Variants in PRLR observed in about 807,000 individuals in gnomAD.
PRLR encodes hPRL receptor.
Under a neutral mutation model 40.2 loss-of-function variants are expected in PRLR, and 13 were observed. That is an observed-to-expected ratio of 0.32 (90% confidence interval 0.21 to 0.51). The LOEUF is 0.51. Among genes scored for constraint, PRLR ranks in the 20% least tolerant of loss-of-function variants. The probability of loss-of-function intolerance (pLI) is 0.97; values close to 1 mark genes in which losing one functional copy is unlikely to be tolerated. For missense variants in PRLR, 656 were observed against 747.3 expected, an observed-to-expected ratio of 0.88 and a Z score of 1.42; for synonymous variants, 269 against 278.7, an observed-to-expected ratio of 0.97 and a Z score of 0.35.
chr5:35,198,218 G>A (rs566737592), intron 1 of PRLR, among the ~76,000 whole-genome samples: 20 of 152,332 alleles, frequency 1.3e-4, no homozygotes, highest in Admixed American at 1.2e-3. Context: ...GGAAGATTGA[G>A]AAGGCTTGCC....
chr5:35,197,137 T>G (rs367787298), intron 1 of PRLR, among the ~76,000 whole-genome samples: 2 of 152,192 alleles, frequency 1.3e-5, no homozygotes, highest in African/African-American at 4.8e-5. Context: ...ACTTTTTTAT[T>G]TTATTTTAAT....
intron 1 of PRLR, among the ~76,000 whole-genome samples, chr5:35,171,420 G>C (rs1774993432): frequency 6.6e-6 from 1 of 152,190 alleles, no homozygotes. Context: ...AGAGTGGCCT[G>C]TGTTTTTTTA....
intron 1 of PRLR, chr5:35,130,178 T>A (rs1484943516): frequency 6.6e-6 from 1 of 152,234 alleles, no homozygotes; most frequent in Admixed American, 6.5e-5. Flanking sequence ...TATACAAGGC[T>A]TTTATGACCC....
intron 1 of PRLR, among the ~76,000 whole-genome samples, chr5:35,202,930 C>T (rs1775918660): frequency 6.6e-6 from 1 of 152,142 alleles, no homozygotes; most frequent in African/African-American, 2.4e-5. Flanking sequence ...AGTGCAAATT[C>T]CTTTGTTAAT....
At chr5:35,197,298 A>T (rs1775762930) in intron 1 of PRLR, among the ~76,000 whole-genome samples, 1 of 152,176 alleles carries the variant, frequency 6.6e-6, no homozygotes, top group African/African-American at 2.4e-5. Context: ...TCACAGGCTC[A>T]TTGGGAGTGT....
rs1297425409 is a variant in PRLR at position 35,065,325 on chromosome 5, C to T, written c.1633G>A (p.Glu545Lys). The T allele has an allele frequency of 3.7e-6, 6 of 1,614,170 alleles. No individual in the cohort carries two copies. In the South Asian group the frequency reaches 5.5e-5, roughly 15 times the overall value. The change falls in exon 10 of 10, where the codon GAG becomes AAG. Residue 545 changes from glutamate to lysine, a missense_variant. Around this residue, in one of 3 missense-constraint regions of PRLR, gnomAD observed 469 missense variants for 491.5 expected, o/e 0.95. Coordinates refer to ENST00000618457, the MANE Select transcript of PRLR (RefSeq NM_000949.7). The part of the protein sequence containing the change: ...KKPGTPENNK[E>K]YAKVSGVMDN... ...ATGACCCCGGACACCTTGGCATACT[C>T]CTTATTGTTCTCAGGAGTCCCGGGC...
intron 9 of PRLR, among the ~76,000 whole-genome samples, chr5:35,066,953 CA>C (rs1422716213): frequency 6.6e-6 from 1 of 151,954 alleles, no homozygotes; most frequent in Admixed American, 6.6e-5. Context: ...TTAGTAGAGA[CA>C]GGGTTTCACC....
At chr5:35,098,985 T>C (rs1453137034) in intron 2 of PRLR, among the ~76,000 whole-genome samples, 1 of 152,144 alleles carries the variant, frequency 6.6e-6, no homozygotes, top group East Asian at 1.9e-4. Context: ...CACTGACAAG[T>C]CTAAGAAAAA....
At chr5:35,164,440 G>C (rs989257750) in intron 1 of PRLR, among the ~76,000 whole-genome samples, 1 of 152,136 alleles carries the variant, frequency 6.6e-6, no homozygotes, top group Non-Finnish European at 1.5e-5. Flanking sequence ...GGAGTCAACT[G>C]CTTGAGATTC....
At chr5:35,176,318 C>CT (rs1775146528) in intron 1 of PRLR, among the ~76,000 whole-genome samples, 1 of 152,138 alleles carries the variant, frequency 6.6e-6, no homozygotes, top group Non-Finnish European at 1.5e-5. Context: ...TTTTAACTTT[C>CT]TTTTTTATTT....
intron 4 of PRLR, among the ~76,000 whole-genome samples, 190 bp downstream of exon 4, chr5:35,086,018 T>C (rs1217957174): frequency 6.6e-6 from 1 of 151,992 alleles, no homozygotes. Flanking sequence ...ACCTTATGTA[T>C]ATTGACACAG....
chr5:35,208,177 G>GCA (rs1281536944), intron 1 of PRLR, among the ~76,000 whole-genome samples: 229 of 87,216 alleles, frequency 2.6e-3, no homozygotes, highest in East Asian at 0.011. Flanking sequence ...CCACGCGCGC[G>GCA]CACACACACA....
chr5:35,164,435 C>T (rs1774763844), intron 1 of PRLR, among the ~76,000 whole-genome samples: 1 of 152,050 alleles, frequency 6.6e-6, no homozygotes, highest in Non-Finnish European at 1.5e-5. Flanking sequence ...GCAGAGGAGT[C>T]AACTGCTTGA....
intron 1 of PRLR, among the ~76,000 whole-genome samples, chr5:35,146,535 G>A (rs1774186748): frequency 6.6e-6 from 1 of 152,158 alleles, no homozygotes; most frequent in Non-Finnish European, 1.5e-5. Context: ...GGGCTGGGGA[G>A]GACCTCCATG....
At chr5:35,179,634 C>G (rs1417683140) in intron 1 of PRLR, among the ~76,000 whole-genome samples, 1 of 152,172 alleles carries the variant, frequency 6.6e-6, no homozygotes, top group Non-Finnish European at 1.5e-5. Flanking sequence ...TTGCCTATCA[C>G]ACTGTACAGT....
chr5:35,078,864 T>C (rs917990855), intron 5 of PRLR, among the ~76,000 whole-genome samples: 2 of 152,176 alleles, frequency 1.3e-5, no homozygotes, highest in African/African-American at 2.4e-5. Context: ...TCCACCATGA[T>C]CAAGTAGGCT....
At chr5:35,050,406 A>T (rs1046336733) in intron 8 of PRLR, among the ~76,000 whole-genome samples, 1 of 152,194 alleles carries the variant, frequency 6.6e-6, no homozygotes, top group South Asian at 2.1e-4. Context: ...TTTCTGACTT[A>T]TAAGTGACAC....
chr5:35,176,259 G>T (rs1775145337), intron 1 of PRLR, among the ~76,000 whole-genome samples: 1 of 151,992 alleles, frequency 6.6e-6, no homozygotes, highest in African/African-American at 2.4e-5. Context: ...AATTTCAGTA[G>T]TTACTAATCT....
chr5:35,203,671 T>G (rs1775937998), intron 1 of PRLR, among the ~76,000 whole-genome samples: 1 of 152,186 alleles, frequency 6.6e-6, no homozygotes. Context: ...ACTGCTTTGC[T>G]AGTAACTTGT....
Sources: allele counts gnomAD v4.1 joint callset (sites outside exome capture counted in the v4.1 genomes callset), GRCh38; gene constraint gnomAD v4.1.1; regional missense constraint gnomAD v4.1.1; transcripts MANE v1.5; gene names NCBI Gene and HGNC (gene_info 2026-07-23, HGNC 2026-07-21).